PGBD2: variants seen among roughly 807,000 people sequenced by gnomAD.
PGBD2 encodes the protein piggyBac transposable element derived 2.
A neutral mutation model predicts 8.1 loss-of-function variants in PGBD2; 6 were observed. The observed-to-expected ratio is 0.74, with a 90% CI of 0.40 to 1.46. PGBD2 has a LOEUF of 1.46. Among genes scored for constraint, PGBD2 ranks in the 40% most tolerant of loss-of-function variants. PGBD2 has a pLI of 0.02. For synonymous variants in PGBD2, 318 were observed against 272.2 expected (o/e 1.17, Z -1.66); for missense variants, 802 against 739.0 (o/e 1.09, Z -0.99).
the PGBD2 span, among the ~76,000 whole-genome samples, chr1:248,892,451 TA>T: frequency 0.043 from 6,184 of 145,316 alleles, 319 homozygotes; most frequent in African/African-American, 0.13. Context: ...GCAGTTAATC[TA>T]AAAAAAAAAA....
At chr1:248,906,817 C>T (rs1033423804) in intron 1 of PGBD2, among the ~76,000 whole-genome samples, 1 of 152,046 alleles carries the variant, frequency 6.6e-6, no homozygotes, top group East Asian at 1.9e-4. Context: ...GCTGAGGTTT[C>T]TGAGGGTCTT....
chr1:248,911,391 C>T (rs1661865942), intron 1 of PGBD2, among the ~76,000 whole-genome samples: 1 of 150,314 alleles, frequency 6.7e-6, no homozygotes, highest in Admixed American at 6.6e-5. Flanking sequence ...CCATTCAACC[C>T]TGAGTGGACA....
the PGBD2 span, among the ~76,000 whole-genome samples, chr1:248,899,815 A>G: frequency 6.6e-6 from 1 of 151,720 alleles, no homozygotes; most frequent in South Asian, 2.1e-4. Flanking sequence ...AAAAAAAGTA[A>G]AATAGATAGA....
chr1:248,891,841 A>C, the PGBD2 span, among the ~76,000 whole-genome samples: 4 of 152,234 alleles, frequency 2.6e-5, no homozygotes, highest in African/African-American at 9.6e-5. Flanking sequence ...AAGAAAAAAA[A>C]GTGTTTTTGA....
chr1:248,918,238 C>T lies in PGBD2; in HGVS notation c.1654C>T (p.His552Tyr), dbSNP rs769420475. The T allele has an allele frequency of 6.2e-7, 1 of 1,614,058 alleles. No individual in the cohort carries two copies. The highest frequency in any genetic ancestry group is 1.1e-5 in the South Asian group (1 of 91,070). Residue 552 changes from histidine to tyrosine, a missense_variant, in exon 3 of 3, where the codon CAC (histidine) becomes TAC (tyrosine). Physicochemically the swap from His to Tyr is moderately conservative, Grantham distance 83 (BLOSUM62 2). Coordinates refer to ENST00000329291, the MANE Select transcript of PGBD2 (RefSeq NM_170725.3). ...ETESRFDMIG[H>Y]WIIHQDKRTR... ...TGAGAGCCGCTTCGATATGATTGGG[C>T]ACTGGATTATCCATCAGGACAAGAG...
chr1:248,918,593 T>C lies in PGBD2; in HGVS notation c.*230T>C. ...TTTATATTTATATTTTTGAACTTAT[T>C]TATTTAAAGTTATGGATCACTTTTT... On this transcript the variant is annotated 3_prime_UTR_variant, in exon 3 of 3. Coordinates refer to ENST00000329291, the MANE Select transcript of PGBD2 (RefSeq NM_170725.3). 4.5e-6 allele frequency: 1 copy of C among 221,842 alleles called. No homozygotes were observed. The highest frequency in any genetic ancestry group is 9.4e-6 in the Non-Finnish European group (1 of 106,728). The allele number at this position is 221,842 out of a possible 1,614,324, so 13.7% of individuals were successfully genotyped here. A position where few individuals can be genotyped will look rare whatever the true frequency, so the allele number is the denominator to read the frequency against.
intron 1 of PGBD2, among the ~76,000 whole-genome samples, chr1:248,908,557 C>T (rs1383216682): frequency 3.9e-5 from 6 of 152,178 alleles, no homozygotes; most frequent in South Asian, 4.1e-4. Context: ...ATAGGCCCCA[C>T]CCTTTTGCCG....
rs1662172152 is a variant in PGBD2 at position 248,917,909 on chromosome 1, A to C, written c.1325A>C (p.Lys442Thr). ...ACCAGTCGTCACTCTGGAGCAGCTA[A>C]AACGCGGACTCAGGTCCACCAGCCA... ...RLTSRHSGAA[K>T]TRTQVHQPSL... The change falls in exon 3 of 3, where the codon AAA becomes ACA. Residue 442 changes from lysine (K) to threonine (T), a missense_variant. Coordinates refer to ENST00000329291, the MANE Select transcript of PGBD2 (RefSeq NM_170725.3). The C allele has an allele frequency of 6.2e-7, 1 of 1,614,230 alleles. No individual in the cohort carries two copies. The highest frequency in any genetic ancestry group is 8.5e-7 in the Non-Finnish European group (1 of 1,180,048).
In PGBD2 at chr1:248,917,274, T is replaced by G; in HGVS notation, c.690T>G (p.Phe230Leu). The change falls in exon 3 of 3, where the codon TTT becomes TTG. Residue 230 changes from phenylalanine (F) to leucine (L), a missense_variant. Coordinates refer to ENST00000329291, the MANE Select transcript of PGBD2 (RefSeq NM_170725.3). ...AACTAATCTTCTCATACTTACATTT[T>G]GCAGATAACAACGAACTTGATGCAA... ...RFELIFSYLH[F>L]ADNNELDASD... 1.2e-6 allele frequency: 2 copies of G among 1,614,202 alleles called. No homozygotes were observed. Among genetic ancestry groups the G allele is most frequent in the Non-Finnish European group, 1.7e-6 (2 of 1,180,026 alleles).
rs181091718 is a variant in PGBD2, at chr1:248,917,373, A to C, written c.789A>C (p.Glu263Asp). 77 of 1,614,178 alleles carry C rather than the reference A, an allele frequency of 4.8e-5. No individual in the cohort carries two copies. In the East Asian group the frequency reaches 1.7e-3, roughly 35 times the overall value. ...NCNFQKHAPLEEFYSFGESMC... is the reference protein window; with the variant it reads ...NCNFQKHAPLDEFYSFGESMC... ...ATTTCCAGAAGCATGCACCCTTGGA[A>C]GAGTTCTACAGCTTTGGCGAGTCTA... is the stretch of plus-strand genomic sequence containing the variant. The change falls in exon 3 of 3, where the codon GAA becomes GAC. Residue 263 changes from glutamate (E) to aspartate (D), a missense_variant. Transcript: ENST00000329291.
At chr1:248,905,140 C>T (rs754919099), upstream of PGBD2, among the ~76,000 whole-genome samples, 2 of 152,170 alleles carry the variant, frequency 1.3e-5, no homozygotes, top group Non-Finnish European at 2.9e-5. Context: ...GAATGAATGA[C>T]AAACTAATAC....
At chr1:248,885,533 C>T in the PGBD2 span, among the ~76,000 whole-genome samples, 2 of 152,102 alleles carry the variant, frequency 1.3e-5, no homozygotes, top group African/African-American at 4.8e-5. Context: ...TTTCAAAACC[C>T]AGTCTTGGTT....
the PGBD2 span, among the ~76,000 whole-genome samples, chr1:248,892,151 G>A: frequency 5.3e-5 from 8 of 152,046 alleles, no homozygotes; most frequent in African/African-American, 1.9e-4. Context: ...ACAAAGCATG[G>A]GGAAGTTTAA....
At chr1:248,880,117 T>C in the PGBD2 span, among the ~76,000 whole-genome samples, 1 of 152,200 alleles carries the variant, frequency 6.6e-6, no homozygotes, top group African/African-American at 2.4e-5. Context: ...GGACCCATTT[T>C]CCTATATTGT....
rs1312976288 is a variant in PGBD2 at position 248,916,729 on chromosome 1, A to G, written c.145A>G (p.Asn49Asp). The G allele has an allele frequency of 1.2e-6, 2 of 1,614,138 alleles. No homozygotes were observed. Among genetic ancestry groups the G allele is most frequent in the Non-Finnish European group, 1.7e-6 (2 of 1,180,010 alleles). ...AGAGATTTTCATTGCACCTCCCGAC[A>G]ATGCTGCGGGGGAATTCACTGATGA... ...REEIFIAPPD[N>D]AAGEFTDEDS... The change falls in exon 3 of 3, where the codon AAT (asparagine) becomes GAT (aspartate). Residue 49 changes from asparagine (N) to aspartate (D), a missense_variant. Coordinates refer to ENST00000329291, the MANE Select transcript of PGBD2 (RefSeq NM_170725.3).
chr1:248,906,892 A>G (rs994203455), intron 1 of PGBD2, among the ~76,000 whole-genome samples: 3 of 152,138 alleles, frequency 2.0e-5, no homozygotes, highest in Admixed American at 1.3e-4. Flanking sequence ...CGTATCCCAC[A>G]AAAGCCATTC....
chr1:248,873,165 C>T, the PGBD2 span, among the ~76,000 whole-genome samples: 1 of 151,712 alleles, frequency 6.6e-6, no homozygotes, highest in African/African-American at 2.4e-5. Context: ...TCACAGGTAA[C>T]CTCACAGCCC....
At chr1:248,926,523 A>G in the PGBD2 span, among the ~76,000 whole-genome samples, 12 of 152,126 alleles carry the variant, frequency 7.9e-5, no homozygotes, top group Non-Finnish European at 1.5e-4. Context: ...TTGACTTTGA[A>G]AGCTTCTTTT....
the PGBD2 span, among the ~76,000 whole-genome samples, chr1:248,874,411 C>T: frequency 0.35 from 53,260 of 152,036 alleles, 14,756 homozygotes; most frequent in African/African-American, 0.76. Flanking sequence ...AAGGGCAAAA[C>T]GCACCTGGTG....
Sources: allele counts gnomAD v4.1 joint callset (sites outside exome capture counted in the v4.1 genomes callset), GRCh38; gene constraint gnomAD v4.1.1; transcripts MANE v1.5; gene names NCBI Gene and HGNC (gene_info 2026-07-23, HGNC 2026-07-21).